The following DHX37 variants were observed in gnomAD, a reference collection of about 807,000 sequenced individuals.
The protein encoded by DHX37 is DEAH-box helicase 37, also known as probable ATP-dependent RNA helicase DHX37.
In DHX37, 52 loss-of-function variants were observed where a neutral mutation model predicts 134.3. That is an observed-to-expected ratio of 0.39 (90% CI 0.31 to 0.49). The LOEUF is 0.49. DHX37 is among the 20% of genes least tolerant of loss of function. The pLI is 0.93. For synonymous variants in DHX37, 634 were observed against 670.7 expected (o/e 0.95, Z 0.85); for missense variants, 1,344 against 1,580.8 (o/e 0.85, Z 2.54).
At chr12:124,968,416 G>T in intron 10 of DHX37, 118 bp downstream of exon 10, 1 of 1,503,880 alleles carries the variant, frequency 6.6e-7, no homozygotes, top group Non-Finnish European at 8.9e-7. Context: ...GGAAGCCGAG[G>T]CCTGGCAGGG....
rs1440780534 is a variant in DHX37 at position 124,949,924 on chromosome 12, G to A, written c.3290+62C>T. 1 of 1,517,076 alleles carries A rather than the reference G, an allele frequency of 6.6e-7. No individual in the cohort carries two copies. Among genetic ancestry groups the A allele is most frequent in the African/African-American group, 1.4e-5 (1 of 72,524 alleles). The allele number at this position is 1,517,076 out of a possible 1,614,324, so 94.0% of individuals were successfully genotyped here. On this transcript the variant is annotated intron_variant, in intron 25 of 26. Coordinates refer to ENST00000308736, the MANE Select transcript of DHX37 (RefSeq NM_032656.4). This position sits in a 1 kb window ranked among gnomAD's most constrained non-coding sequence, Gnocchi z 4.0. ...GTGGTGCTTTGTCCTGGCAGCCCCGGGGAGGTCATTCAGGCCTCGGACCCC... is the reference window on the plus strand; with the variant it reads ...GTGGTGCTTTGTCCTGGCAGCCCCGAGGAGGTCATTCAGGCCTCGGACCCC...
intron 3 of DHX37, among the ~76,000 whole-genome samples, chr12:124,981,990 G>A (rs1400102771): frequency 6.6e-6 from 1 of 151,862 alleles, no homozygotes; most frequent in Non-Finnish European, 1.5e-5. Context: ...GGGCTTGGTG[G>A]TGCATGCCTG....
chr12:124,958,371 C>T (rs936270302), intron 16 of DHX37, among the ~76,000 whole-genome samples: 1 of 152,164 alleles, frequency 6.6e-6, no homozygotes, highest in African/African-American at 2.4e-5. Context: ...GAAGCCACTG[C>T]GGAGTTTCTA....
At chr12:124,951,734 G>A (rs968586563) in intron 21 of DHX37, among the ~76,000 whole-genome samples, 15 of 152,156 alleles carry the variant, frequency 9.9e-5, no homozygotes, top group Non-Finnish European at 1.8e-4. Flanking sequence ...CGTTTTGGGA[G>A]GCCGAGGTGG....
chr12:124,958,747 T>A (rs935910530), intron 16 of DHX37, among the ~76,000 whole-genome samples: 2 of 151,328 alleles, frequency 1.3e-5, no homozygotes, highest in African/African-American at 4.9e-5. Context: ...TGCCTCAGCC[T>A]CCCGAGTAGC....
Position 124,988,942 on chromosome 12 carries a change from C to T in DHX37, c.81G>A (p.Pro27=). ...GPGPSKGPPE[P]PPVQLELEDK... is the part of the protein sequence containing the mutation. ...CCTCCAGTTCCAGCTGCACGGGGGGCGGCTCGGGGGGGCCCTTCGAGGGTC... is the reference window on the plus strand; with the variant it reads ...CCTCCAGTTCCAGCTGCACGGGGGGTGGCTCGGGGGGGCCCTTCGAGGGTC... The change falls in exon 1 of 27, where the codon CCG becomes CCA. Residue 27 remains proline, a synonymous_variant. Transcript: ENST00000308736. The T allele has an allele frequency of 7.5e-7, 1 of 1,337,884 alleles. No homozygotes were observed. Among genetic ancestry groups the T allele is most frequent in the South Asian group, 2.4e-5 (1 of 40,894 alleles). 82.9% of individuals were successfully genotyped at this position (1,337,884 alleles called of 1,614,324 possible). A position where few individuals can be genotyped will look rare whatever the true frequency, so the allele number is the denominator to read the frequency against.
intron 8 of DHX37, among the ~76,000 whole-genome samples, chr12:124,970,354 C>T (rs777862829): frequency 6.6e-6 from 1 of 152,322 alleles, no homozygotes; most frequent in African/African-American, 2.4e-5. Flanking sequence ...GACTAAAAAC[C>T]ACTGAATTGT....
chr12:124,967,274 A>G, intron 10 of DHX37, 56 bp from the exon 11 acceptor site: 2 of 1,570,464 alleles, frequency 1.3e-6, no homozygotes, highest in South Asian at 1.1e-5. Context: ...ACATTTGCTT[A>G]GCAAAAGCAC....
chr12:124,987,804 A>G (rs985679997), intron 1 of DHX37, among the ~76,000 whole-genome samples: 3 of 152,106 alleles, frequency 2.0e-5, no homozygotes, highest in African/African-American at 7.2e-5. Context: ...TAAAAATTTG[A>G]AATCTGGAAT....
At chr12:124,986,640 G>A (rs1213128456) in intron 1 of DHX37, among the ~76,000 whole-genome samples, 2 of 151,972 alleles carry the variant, frequency 1.3e-5, no homozygotes, top group African/African-American at 4.8e-5. Flanking sequence ...GAAACTGGGA[G>A]GTGGAGGTTG....
At chr12:124,961,293 C>T (rs865830613) in intron 15 of DHX37, among the ~76,000 whole-genome samples, 4 of 142,596 alleles carry the variant, frequency 2.8e-5, no homozygotes, top group Non-Finnish European at 4.6e-5. Flanking sequence ...CACACTTACA[C>T]GCGTGCACGC....
chr12:124,982,523 T>C lies in DHX37; in HGVS notation c.377A>G (p.Tyr126Cys), dbSNP rs776003583. The change falls in exon 3 of 27, where the codon TAT becomes TGT. Residue 126 changes from tyrosine (Y) to cysteine (C), a missense_variant. By Grantham distance (194) the Tyr-to-Cys change is radical. Around this residue, in one of 7 missense-constraint regions of DHX37, gnomAD observed 319 missense variants for 296.1 expected, o/e 1.08. Transcript: ENST00000308736. Reference sequence around the variant, plus strand: ...CTGGCCAACTCACTCTTTGGTGTGATACATGCGGTTCCCAGTGCCTAGCTT... The same window carrying C: ...CTGGCCAACTCACTCTTTGGTGTGACACATGCGGTTCCCAGTGCCTAGCTT... ...TSKLGTGNRM[Y>C]HTKEKADEVV... is the part of the protein sequence containing the mutation. The C allele has an allele frequency of 6.2e-6, 10 of 1,613,490 alleles. No individual in the cohort carries two copies. The Admixed American group carries it at 8.3e-5, about 13-fold the overall frequency.
At chr12:124,978,740 C>T (rs1954697406) in intron 4 of DHX37, among the ~76,000 whole-genome samples, 1 of 151,408 alleles carries the variant, frequency 6.6e-6, no homozygotes, top group Non-Finnish European at 1.5e-5. Flanking sequence ...GCCTGGGCAA[C>T]ATAGCCAGAC....
At chr12:124,983,926 C>T (rs1173836994) in intron 2 of DHX37, among the ~76,000 whole-genome samples, 1 of 152,204 alleles carries the variant, frequency 6.6e-6, no homozygotes, top group East Asian at 1.9e-4. Flanking sequence ...GTGCAGTGGC[C>T]TCACCAAAAG....
intron 10 of DHX37, among the ~76,000 whole-genome samples, chr12:124,967,930 G>A (rs543009427): frequency 1.4e-3 from 214 of 152,128 alleles, no homozygotes; most frequent in Non-Finnish European, 2.4e-3. Flanking sequence ...TTAGCCAGGC[G>A]TGGCAGTGTG....
At chr12:124,959,977 C>G (rs1445340050) in intron 16 of DHX37, among the ~76,000 whole-genome samples, 1 of 152,244 alleles carries the variant, frequency 6.6e-6, no homozygotes, top group Non-Finnish European at 1.5e-5. Flanking sequence ...AGGGATCCCC[C>G]CCTCCACTGG....
Position 124,954,088 on chromosome 12 carries a change from C to T in DHX37, c.2577G>A (p.Leu859=). ...SLKLGDLMVL[L]GAVGACEYAS... ...CCCTCCAACGGGCAGGGCACAAACC[C>T]AGCAGCACCATGAGGTCGCCGAGCT... The change falls in exon 19 of 27, where the codon CTG becomes CTA. Residue 859 remains leucine, a splice_region_variant and synonymous_variant. Coordinates refer to ENST00000308736, the MANE Select transcript of DHX37 (RefSeq NM_032656.4). The T allele has an allele frequency of 6.2e-7, 1 of 1,608,624 alleles. No individual in the cohort carries two copies. The highest frequency in any genetic ancestry group is 8.5e-7 in the Non-Finnish European group (1 of 1,176,844).
Position 124,980,871 on chromosome 12 carries a change from GC to G in DHX37, c.390-34del. On this transcript the variant is annotated intron_variant, in intron 3 of 26. Transcript: ENST00000308736. The surrounding 1 kb of genome is among the most constrained non-coding windows in gnomAD (Gnocchi z 5.3). ...GATAGCAGAGACTTCAGGCACAGAG[GC>G]CCCACCTCAATCCCAGAGGTCAGGA... 1 of 1,536,798 alleles carries G rather than the reference GC, an allele frequency of 6.5e-7. No homozygotes were observed.
chr12:124,971,502 A>G, intron 7 of DHX37, 87 bp from the exon 8 acceptor site: 1 of 1,543,342 alleles, frequency 6.5e-7, no homozygotes, highest in Admixed American at 1.9e-5. Context: ...TTGAGGAGAC[A>G]GTGTTAGAGG....
Sources: gnomAD v4.1 joint callset for allele counts (sites outside exome capture counted in the v4.1 genomes callset) on GRCh38, gnomAD v4.1.1 for gene constraint, gnomAD v4.1.1 regional missense constraint, Gnocchi (gnomAD v3.1) non-coding constraint, MANE v1.5 for transcripts, NCBI Gene and HGNC (gene_info 2026-07-23, HGNC 2026-07-21) for gene names.